The following ABLIM2 variants were observed in gnomAD, a reference collection of about 807,000 sequenced individuals.
The protein encoded by ABLIM2 is actin-binding LIM protein 2.
In ABLIM2, 53 loss-of-function variants were observed where a neutral mutation model predicts 97.7. The observed-to-expected ratio is 0.54, with a 90% CI of 0.44 to 0.68. The LOEUF (loss-of-function observed/expected upper bound fraction) is 0.68, where lower values mean the gene tolerates loss of function less well. Among genes scored for constraint, ABLIM2 ranks in the 30% least tolerant of loss-of-function variants. The pLI, the probability that ABLIM2 is intolerant of heterozygous loss-of-function variation, is 0.00. For missense variants in ABLIM2, 835 were observed against 867.2 expected (o/e 0.96, Z 0.47); for synonymous variants, 361 against 345.8 (o/e 1.04, Z -0.49).
At chr4:8,030,903 G>A (rs1034126763) in intron 10 of ABLIM2, among the ~76,000 whole-genome samples, 13 of 152,290 alleles carry the variant, frequency 8.5e-5, no homozygotes, top group Middle Eastern at 3.4e-3. Context: ...CTCTGCAGGT[G>A]GGCCATGTTC....
At chr4:8,115,971 G>A (rs527876417) in intron 1 of ABLIM2, among the ~76,000 whole-genome samples, 60 of 152,304 alleles carry the variant, frequency 3.9e-4, no homozygotes, top group African/African-American at 1.4e-3. Context: ...CGCTATTCTG[G>A]CAGAAGGACC....
In ABLIM2 at chr4:8,125,747, A is replaced by G. The variant is rs1847595078; in HGVS notation, c.11-19110T>C. Among the ~76,000 whole-genome samples, 2 of 152,182 alleles carry G rather than the reference A, an allele frequency of 1.3e-5. No individual in the cohort carries two copies. Among genetic ancestry groups the G allele is most frequent in the African/African-American group, 4.8e-5 (2 of 41,450 alleles). On this transcript the variant is annotated intron_variant, in intron 1 of 20. Coordinates refer to ENST00000447017, the MANE Select transcript of ABLIM2 (RefSeq NM_001130083.2). This position sits in a 1 kb window ranked among gnomAD's most constrained non-coding sequence, Gnocchi z 6.2. Reference sequence around the variant, plus strand: ...TGGAGAGGCCCGCCCAGCCTCTGCCATGGAAACTCCATCTGGGACACGGAC... The same window carrying G: ...TGGAGAGGCCCGCCCAGCCTCTGCCGTGGAAACTCCATCTGGGACACGGAC...
Position 7,970,476 on chromosome 4 carries a change from G to A in ABLIM2, c.1825-3373C>T, listed in dbSNP as rs936041845. ...GGTCTTTGCTGGAGGAGGGAGGAGT[G>A]GAGAGGGAGCGGATGGTGGGCAGGC... On this transcript the variant is annotated intron_variant, in intron 20 of 20. Transcript: ENST00000447017. The surrounding 1 kb of genome is among the most constrained non-coding windows in gnomAD (Gnocchi z 5.3). Among the ~76,000 whole-genome samples, 1 of 152,068 alleles carries A rather than the reference G, an allele frequency of 6.6e-6. No homozygotes were observed. Among genetic ancestry groups the A allele is most frequent in the Non-Finnish European group, 1.5e-5 (1 of 68,006 alleles).
rs991976084 is a variant in ABLIM2, at chr4:8,007,052, ACAT to A, written c.1618+1004_1618+1006del. 1.2e-5 allele frequency: 12 copies of A among 985,430 alleles called. No individual in the cohort carries two copies. The African/African-American group carries it at 2.1e-4, about 17-fold the overall frequency. The allele number at this position is 985,430 out of a possible 1,614,324, so 61.0% of individuals were successfully genotyped here. A position where few individuals can be genotyped will look rare whatever the true frequency, so the allele number is the denominator to read the frequency against. On this transcript the variant is annotated intron_variant, in intron 16 of 20. Coordinates refer to ENST00000447017, the MANE Select transcript of ABLIM2 (RefSeq NM_001130083.2). Reference sequence around the variant, plus strand: ...TCTTTGTTTAAAGTGATTCTTTAACACATCATCATTTCCAAGCTTCTGTGTCTT... The same window carrying A: ...TCTTTGTTTAAAGTGATTCTTTAACACATCATTTCCAAGCTTCTGTGTCTT...
intron 1 of ABLIM2, among the ~76,000 whole-genome samples, chr4:8,153,680 C>T (rs562901241): frequency 6.6e-6 from 1 of 151,318 alleles, no homozygotes. Flanking sequence ...CCGGGCTTCT[C>T]CCGGAGTGAT....
rs1017972821 is a variant in ABLIM2 at position 8,108,832 on chromosome 4, C to T, written c.11-2195G>A. Among the ~76,000 whole-genome samples, 7 of 152,256 alleles carry T rather than the reference C, an allele frequency of 4.6e-5. No individual in the cohort carries two copies. The South Asian group carries it at 1.4e-3, about 31-fold the overall frequency. ...AAGTTGCCTCCACTTGTCCTCACGT[C>T]TTCCTTTATTTCCACAGCAGTCTAA... On this transcript the variant is annotated intron_variant, in intron 1 of 20. Coordinates refer to ENST00000447017, the MANE Select transcript of ABLIM2 (RefSeq NM_001130083.2).
intron 12 of ABLIM2, among the ~76,000 whole-genome samples, chr4:8,024,533 C>A (rs1187397686): frequency 6.6e-6 from 1 of 152,178 alleles, no homozygotes; most frequent in African/African-American, 2.4e-5. Context: ...GAAGGGCTTT[C>A]CCAGAGGGCA....
rs1182514592 is a variant in ABLIM2 at position 8,003,589 on chromosome 4, G to T, written c.1618+4470C>A. 1.5e-5 allele frequency among the ~76,000 whole-genome samples: 2 copies of T among 136,566 alleles called. No individual in the cohort carries two copies. The highest frequency in any genetic ancestry group is 2.7e-5 in the African/African-American group (1 of 36,506). 89.6% of individuals were successfully genotyped at this position (136,566 alleles called of 152,430 possible). On this transcript the variant is annotated intron_variant, in intron 16 of 20. Transcript: ENST00000447017. This position sits in a 1 kb window ranked among gnomAD's most constrained non-coding sequence, Gnocchi z 4.2. ...TTTTTTTTTTTTTTTTTTTGGAGAT[G>T]GAGTCTCGCTCTGTCGCCCAGGCTG...
At chr4:8,078,113 T>TG (rs747797493) in intron 5 of ABLIM2, among the ~76,000 whole-genome samples, 20 of 152,040 alleles carry the variant, frequency 1.3e-4, no homozygotes, top group Non-Finnish European at 2.4e-4. Flanking sequence ...GGGGGGACAG[T>TG]AAGGGCACCC....
Position 8,124,847 on chromosome 4 carries a change from C to T in ABLIM2, c.11-18210G>A, listed in dbSNP as rs557793634. Among the ~76,000 whole-genome samples the T allele has an allele frequency of 1.1e-3, 164 of 152,212 alleles. No homozygotes were observed. The highest frequency in any genetic ancestry group is 3.7e-3 in the African/African-American group (154 of 41,504). ...AGGAACAGTCAGACTATTTTCCACA[C>T]CGGGTTCTGATTTCTACGCATCCCC... On this transcript the variant is annotated intron_variant, in intron 1 of 20. Coordinates refer to ENST00000447017, the MANE Select transcript of ABLIM2 (RefSeq NM_001130083.2). The surrounding 1 kb of genome is among the most constrained non-coding windows in gnomAD (Gnocchi z 6.1).
chr4:8,090,838 T>A (rs1163025068), intron 3 of ABLIM2, among the ~76,000 whole-genome samples: 1 of 152,094 alleles, frequency 6.6e-6, no homozygotes. Flanking sequence ...GACGGAGCAG[T>A]GTCCATCCCA....
At chr4:8,081,445 G>C (rs568258928) in intron 4 of ABLIM2, among the ~76,000 whole-genome samples, 101 of 152,296 alleles carry the variant, frequency 6.6e-4, no homozygotes, top group Admixed American at 1.9e-3. Flanking sequence ...GCCCTGCCCT[G>C]AGCCAGCGGC....
chr4:8,037,963 C>T (rs143578074), intron 9 of ABLIM2, among the ~76,000 whole-genome samples: 3 of 152,328 alleles, frequency 2.0e-5, no homozygotes, highest in South Asian at 2.1e-4. Flanking sequence ...GCACTGTGCA[C>T]GTGCTCTTGC....
intron 1 of ABLIM2, among the ~76,000 whole-genome samples, chr4:8,119,769 C>T (rs1844435653): frequency 6.6e-6 from 1 of 152,214 alleles, no homozygotes; most frequent in Non-Finnish European, 1.5e-5. Flanking sequence ...TCCTCTTGGG[C>T]CCTGGCTCGA....
rs1013157735 is a variant in ABLIM2 at position 8,155,292 on chromosome 4, T to C, written c.10+3388A>G. 9.2e-5 allele frequency among the ~76,000 whole-genome samples: 14 copies of C among 152,222 alleles called. No homozygotes were observed. The highest frequency in any genetic ancestry group is 2.9e-4 in the African/African-American group (12 of 41,466). On this transcript the variant is annotated intron_variant, in intron 1 of 20. Coordinates refer to ENST00000447017, the MANE Select transcript of ABLIM2 (RefSeq NM_001130083.2). This position sits in a 1 kb window ranked among gnomAD's most constrained non-coding sequence, Gnocchi z 4.2. ...GTTTCTGTGGCTACATCATTGCCCA[T>C]TCTTGGATTAGGTGAAGAAATGTGT...
chr4:8,147,377 G>C lies in ABLIM2; in HGVS notation c.10+11303C>G, dbSNP rs1356440784. On this transcript the variant is annotated intron_variant, in intron 1 of 20. Transcript: ENST00000447017. This position sits in a 1 kb window ranked among gnomAD's most constrained non-coding sequence, Gnocchi z 5.3. ...CAAGAGACTACCTGTGCCCGGCTGAGTAATGCCTCCCCCAGAAGATATCCC... is the reference window on the plus strand; with the variant it reads ...CAAGAGACTACCTGTGCCCGGCTGACTAATGCCTCCCCCAGAAGATATCCC... Among the ~76,000 whole-genome samples the C allele has an allele frequency of 1.3e-5, 2 of 152,196 alleles. No individual in the cohort carries two copies. The highest frequency in any genetic ancestry group is 2.9e-5 in the Non-Finnish European group (2 of 68,040).
chr4:8,103,980 G>C (rs887768358), intron 2 of ABLIM2, among the ~76,000 whole-genome samples: 1 of 152,238 alleles, frequency 6.6e-6, no homozygotes, highest in Non-Finnish European at 1.5e-5. Flanking sequence ...TCTTCAGGGA[G>C]AGCTGAAAAA....
intron 7 of ABLIM2, among the ~76,000 whole-genome samples, chr4:8,056,703 C>A (rs976306538): frequency 6.6e-6 from 1 of 151,868 alleles, no homozygotes; most frequent in Non-Finnish European, 1.5e-5. Flanking sequence ...GAGGCTGAGG[C>A]AGGCGGATCA....
chr4:8,008,022 T>G, intron 16 of ABLIM2, 37 bp downstream of exon 16: 4 of 1,608,448 alleles, frequency 2.5e-6, no homozygotes, highest in Non-Finnish European at 3.4e-6. Flanking sequence ...AGGCATTTTG[T>G]GCACATCACG....
Sources: gnomAD v4.1 joint callset for allele counts (sites outside exome capture counted in the v4.1 genomes callset) on GRCh38, gnomAD v4.1.1 for gene constraint, Gnocchi (gnomAD v3.1) non-coding constraint, MANE v1.5 for transcripts, NCBI Gene and HGNC (gene_info 2026-07-23, HGNC 2026-07-21) for gene names.